The following ATP2C2 variants were observed in gnomAD, a reference collection of about 807,000 sequenced individuals.
ATP2C2 encodes ATPase secretory pathway Ca2+ transporting 2.
ATP2C2 carries 171 observed loss-of-function variants against 110.8 expected under a neutral mutation model. The observed-to-expected ratio is 1.54, with a 90% CI of 1.36 to 1.75. The LOEUF (loss-of-function observed/expected upper bound fraction) is 1.75. Among genes scored for constraint, ATP2C2 ranks in the 40% most tolerant of loss-of-function variants. The probability of loss-of-function intolerance (pLI) is 0.00; values close to 1 mark genes in which losing one functional copy is unlikely to be tolerated. For synonymous variants in ATP2C2, 804 were observed against 508.4 expected, an observed-to-expected ratio of 1.58 and a Z score of -7.82; for missense variants, 1,963 against 1,235.0, an observed-to-expected ratio of 1.59 and a Z score of -8.84.
intron 1 of ATP2C2, among the ~76,000 whole-genome samples, chr16:84,374,101 C>G (rs942566608): frequency 2.0e-5 from 3 of 152,198 alleles, no homozygotes; most frequent in African/African-American, 7.2e-5. Flanking sequence ...CATTTGGTAT[C>G]TATTTGTATG....
intron 1 of ATP2C2, among the ~76,000 whole-genome samples, chr16:84,388,537 G>A (rs1904455027): frequency 6.6e-6 from 1 of 152,142 alleles, no homozygotes; most frequent in Non-Finnish European, 1.5e-5. Context: ...GATAAAACTA[G>A]AGAATACCCA....
At chr16:84,429,719 G>A (rs900738885) in intron 11 of ATP2C2, among the ~76,000 whole-genome samples, 2 of 152,130 alleles carry the variant, frequency 1.3e-5, no homozygotes, top group Non-Finnish European at 2.9e-5. Flanking sequence ...GTGAAGCTGA[G>A]ATCTGGAGGA....
chr16:84,377,747 A>G (rs982997854), intron 1 of ATP2C2, among the ~76,000 whole-genome samples: 1 of 152,110 alleles, frequency 6.6e-6, no homozygotes, highest in African/African-American at 2.4e-5. Context: ...GGGGTTGGAC[A>G]ACTCAGTCCA....
At chr16:84,463,549 C>A in intron 26 of ATP2C2, 65 bp from the exon 27 acceptor site, 5 of 1,378,642 alleles carry the variant, frequency 3.6e-6, no homozygotes, top group African/African-American at 1.4e-5. Flanking sequence ...GCAGGGAAGG[C>A]GCTTCCTGCC....
chr16:84,461,658 C>T (rs1271351148), intron 24 of ATP2C2, 56 bp from the exon 25 acceptor site: 3 of 1,515,256 alleles, frequency 2.0e-6, no homozygotes, highest in African/African-American at 1.4e-5. Flanking sequence ...CCCTTTGGTT[C>T]AGGATGGAGG....
chr16:84,403,248 G>A (rs546529272), intron 2 of ATP2C2, among the ~76,000 whole-genome samples: 1 of 152,000 alleles, frequency 6.6e-6, no homozygotes, highest in South Asian at 2.1e-4. Context: ...CTTAAGACAG[G>A]CCTATTTAAA....
At chr16:84,394,439 C>T (rs993521979) in intron 1 of ATP2C2, among the ~76,000 whole-genome samples, 1 of 152,120 alleles carries the variant, frequency 6.6e-6, no homozygotes, top group East Asian at 1.9e-4. Context: ...AGTGGACTCA[C>T]ATACCGTGTG....
chr16:84,458,915 C>A (rs1180270073), intron 21 of ATP2C2, among the ~76,000 whole-genome samples: 1 of 152,172 alleles, frequency 6.6e-6, no homozygotes, highest in Non-Finnish European at 1.5e-5. Context: ...GCTCAAGGAT[C>A]AGTTCCCAGT....
rs1910483182 is a variant in ATP2C2, at chr16:84,453,352, A to G, written c.1961A>G (p.His654Arg). ...VSVFFRTSPK[H>R]KLKIIKALQE... ...GTGTTCTTCAGGACCAGCCCAAAGC[A>G]CAAGCTCAAAATCATCAAGGTTCGC... The change falls in exon 20 of 27, where the codon CAC (histidine) becomes CGC (arginine). Residue 654 changes from histidine to arginine, a missense_variant. Coordinates refer to ENST00000262429, the MANE Select transcript of ATP2C2 (RefSeq NM_014861.4). The G allele has an allele frequency of 6.2e-7, 1 of 1,614,156 alleles. No homozygotes were observed. The highest frequency in any genetic ancestry group is 8.5e-7 in the Non-Finnish European group (1 of 1,180,018).
At chr16:84,463,489 G>T (rs1394173480) in intron 26 of ATP2C2, 125 bp from the exon 27 acceptor site, 1 of 771,488 alleles carries the variant, frequency 1.3e-6, no homozygotes, top group Admixed American at 2.1e-5. Flanking sequence ...TGCCTTCAGG[G>T]GAATGAAAAG....
At position 84,463,619 on chromosome 16, in the gene ATP2C2, C is replaced by CTGTT; in HGVS notation, c.2730_2733dup (p.Leu912ValfsTer20). ...TCTGTTTTCTCCCTTGGCAGATTTG[C>CTGTT]TGTTTTTAACTGGATTGGCCTCATC... On this transcript the variant is annotated frameshift_variant, in exon 27 of 27. Transcript: ENST00000262429. LOFTEE classifies it low-confidence loss of function (END_TRUNC). 1 of 1,613,488 alleles carries CTGTT rather than the reference C, an allele frequency of 6.2e-7. No homozygotes were observed. Among genetic ancestry groups the CTGTT allele is most frequent in the Non-Finnish European group, 8.5e-7 (1 of 1,179,358 alleles).
chr16:84,408,613 C>A (rs1472914361), intron 4 of ATP2C2, 119 bp downstream of exon 4: 2 of 765,458 alleles, frequency 2.6e-6, no homozygotes, highest in Non-Finnish European at 4.2e-6. Context: ...AAGGAGCATA[C>A]AGAAGAAAGA....
chr16:84,458,721 C>T (rs999064950), intron 21 of ATP2C2, among the ~76,000 whole-genome samples: 6 of 152,200 alleles, frequency 3.9e-5, no homozygotes, highest in Non-Finnish European at 7.3e-5. Flanking sequence ...TACCGTCCTC[C>T]GGACCTCATT....
intron 9 of ATP2C2, 148 bp from the exon 10 acceptor site, chr16:84,423,040 T>G (rs1446908783): frequency 2.9e-6 from 2 of 678,438 alleles, no homozygotes; most frequent in Non-Finnish European, 5.2e-6. Flanking sequence ...GCACAGGTCT[T>G]CAGTGCAAAA....
chr16:84,446,988 C>G (rs887315409), intron 16 of ATP2C2, among the ~76,000 whole-genome samples: 2 of 152,198 alleles, frequency 1.3e-5, no homozygotes, highest in East Asian at 3.8e-4. Flanking sequence ...CGTGTTGTCC[C>G]TGGCTAGAGG....
chr16:84,427,445 C>A (rs2326270), intron 11 of ATP2C2, among the ~76,000 whole-genome samples: 17,520 of 152,084 alleles, frequency 0.12, 1,220 homozygotes, highest in South Asian at 0.21. Flanking sequence ...CGGCCAGGCG[C>A]GGTGGCTCAT....
At chr16:84,459,888 G>A (rs1404603459) in intron 23 of ATP2C2, 2 of 343,744 alleles carry the variant, frequency 5.8e-6, no homozygotes. Flanking sequence ...TTGCCACTCA[G>A]TAGGTGCTCA....
intron 11 of ATP2C2, among the ~76,000 whole-genome samples, chr16:84,428,003 A>AT: frequency 6.6e-6 from 1 of 152,370 alleles, no homozygotes; most frequent in South Asian, 2.1e-4. Context: ...GAATGCTGTT[A>AT]TTGAGAGGGT....
chr16:84,461,792 G>T lies in ATP2C2; in HGVS notation c.2560G>T (p.Ala854Ser), dbSNP rs746803305. The change falls in exon 25 of 27, where the codon GCC becomes TCC. Residue 854 changes from alanine (A) to serine (S), a missense_variant. Transcript: ENST00000262429. ...TTTTGTGTTTTTCGATCTCTTCAAC[G>T]CCTTGACCTGCCGCTCTCAGGTGAG... ...TCFVFFDLFNALTCRSQTKLI... is the reference protein window; with the variant it reads ...TCFVFFDLFNSLTCRSQTKLI... 12 of 1,614,108 alleles carry T rather than the reference G, an allele frequency of 7.4e-6. No homozygotes were observed. The highest frequency in any genetic ancestry group is 3.3e-5 in the South Asian group (3 of 91,082).
Sources: gnomAD v4.1 joint callset for allele counts (sites outside exome capture counted in the v4.1 genomes callset) on GRCh38, gnomAD v4.1.1 for gene constraint, MANE v1.5 for transcripts, NCBI Gene and HGNC (gene_info 2026-07-23, HGNC 2026-07-21) for gene names.